The following GRIP1 variants were observed in gnomAD, a reference collection of about 807,000 sequenced individuals.
The protein encoded by GRIP1 is glutamate receptor interacting protein 1.
GRIP1 carries 45 observed loss-of-function variants against 129.9 expected under a neutral mutation model. That is an observed-to-expected ratio of 0.35 (90% CI 0.27 to 0.44). The LOEUF (loss-of-function observed/expected upper bound fraction) is 0.44, where lower values mean the gene tolerates loss of function less well. GRIP1 is among the 20% of genes least tolerant of loss of function. The pLI is 1.00. For synonymous variants in GRIP1, 530 were observed against 520.8 expected (o/e 1.02, Z -0.24); for missense variants, 1,196 against 1,396.8 (o/e 0.86, Z 2.29).
At chr12:66,747,226 A>G (rs1025739053) in intron 1 of GRIP1, among the ~76,000 whole-genome samples, 1 of 152,198 alleles carries the variant, frequency 6.6e-6, no homozygotes. Flanking sequence ...AAAAAAACTG[A>G]GTAAATAAAA....
chr12:66,749,200 G>C (rs2037047968), intron 1 of GRIP1, among the ~76,000 whole-genome samples: 1 of 152,134 alleles, frequency 6.6e-6, no homozygotes, highest in Non-Finnish European at 1.5e-5. Context: ...TACTCACGAA[G>C]AAAAACCGTT....
intron 1 of GRIP1, among the ~76,000 whole-genome samples, chr12:66,673,080 G>T (rs2034156187): frequency 6.6e-6 from 1 of 151,994 alleles, no homozygotes; most frequent in African/African-American, 2.4e-5. Context: ...AGATAGGCAG[G>T]TCTATGGTTT....
At chr12:66,929,710 A>G (rs1008294382) in intron 1 of GRIP1, among the ~76,000 whole-genome samples, 1 of 152,172 alleles carries the variant, frequency 6.6e-6, no homozygotes, top group Non-Finnish European at 1.5e-5. Flanking sequence ...AGCCTCCTCT[A>G]CATCTATGTA....
chr12:66,594,866 G>T (rs957025685), intron 2 of GRIP1, among the ~76,000 whole-genome samples: 12 of 152,168 alleles, frequency 7.9e-5, no homozygotes, highest in Admixed American at 4.6e-4. Context: ...TCTTCTTTTT[G>T]CCAGAACAAA....
chr12:66,977,239 T>C (rs1265908623), intron 1 of GRIP1, among the ~76,000 whole-genome samples: 4 of 151,468 alleles, frequency 2.6e-5, no homozygotes, highest in Admixed American at 2.6e-4. Flanking sequence ...GCATTTCTTT[T>C]TTTTCTTTTT....
intron 1 of GRIP1, among the ~76,000 whole-genome samples, chr12:66,916,864 T>A (rs1176945523): frequency 6.6e-6 from 1 of 152,192 alleles, no homozygotes; most frequent in Non-Finnish European, 1.5e-5. Context: ...CCTGATATTC[T>A]AAAACAAAAT....
intron 1 of GRIP1, among the ~76,000 whole-genome samples, chr12:67,024,601 T>C (rs1468689988): frequency 6.6e-6 from 1 of 152,114 alleles, no homozygotes; most frequent in Non-Finnish European, 1.5e-5. Flanking sequence ...AATCCTACCA[T>C]CTTATTTGTG....
intron 1 of GRIP1, among the ~76,000 whole-genome samples, chr12:66,617,085 T>TTTTGTGTGTGTG (rs1555217385): frequency 2.2e-5 from 3 of 135,450 alleles, no homozygotes; most frequent in South Asian, 2.5e-4. Context: ...AACAGACGTT[T>TTTTGTGTGTGTG]TGTGTGTGTG....
intron 1 of GRIP1, among the ~76,000 whole-genome samples, chr12:66,749,695 C>A (rs2037064296): frequency 6.6e-6 from 1 of 152,120 alleles, no homozygotes; most frequent in Admixed American, 6.6e-5. Flanking sequence ...GCAGAATTCA[C>A]ATATGCATCT....
chr12:66,914,137 A>T (rs936408233), intron 1 of GRIP1, among the ~76,000 whole-genome samples: 6 of 152,150 alleles, frequency 3.9e-5, no homozygotes, highest in African/African-American at 1.4e-4. Flanking sequence ...GTAAATTTTA[A>T]CCACTTTTCT....
intron 1 of GRIP1, among the ~76,000 whole-genome samples, chr12:66,742,428 A>G (rs1432489996): frequency 1.3e-5 from 2 of 152,198 alleles, no homozygotes; most frequent in African/African-American, 4.8e-5. Context: ...GGGCATCCTG[A>G]CAAGACTACC....
At chr12:67,029,666 A>G (rs1828589836) in intron 1 of GRIP1, among the ~76,000 whole-genome samples, 1 of 151,892 alleles carries the variant, frequency 6.6e-6, no homozygotes, top group Non-Finnish European at 1.5e-5. Context: ...AAATCTTGGC[A>G]ACGATATAAC....
At chr12:67,046,902 A>C (rs955872420) in intron 1 of GRIP1, among the ~76,000 whole-genome samples, 1 of 152,232 alleles carries the variant, frequency 6.6e-6, no homozygotes, top group African/African-American at 2.4e-5. Flanking sequence ...AGCCATTTTT[A>C]GAACTTGAAT....
At chr12:66,772,189 T>C (rs2037840908) in intron 1 of GRIP1, among the ~76,000 whole-genome samples, 1 of 152,216 alleles carries the variant, frequency 6.6e-6, no homozygotes, top group South Asian at 2.1e-4. Context: ...TAGATGGCAG[T>C]GCCAGAATGT....
chr12:66,444,840 TG>T, intron 12 of GRIP1, 111 bp from the exon 13 acceptor site: 1 of 1,129,764 alleles, frequency 8.9e-7, no homozygotes, highest in Non-Finnish European at 1.3e-6. Flanking sequence ...AATTTGGTCT[TG>T]CTTATTCAAT....
chr12:66,788,922 C>T lies in GRIP1; in HGVS notation c.-420+15131G>A, dbSNP rs548296785. 6.6e-5 allele frequency among the ~76,000 whole-genome samples: 10 copies of T among 152,060 alleles called. No individual in the cohort carries two copies. The South Asian group carries it at 2.1e-3, about 32-fold the overall frequency. On this transcript the variant is annotated intron_variant, in intron 1 of 4. Transcript: ENST00000538373. Reference sequence around the variant, plus strand: ...AAGAAATGTTTGTTTTTTTAAGCTGCCAAATTTTGGGGTAATTTGTCATGC... The same window carrying T: ...AAGAAATGTTTGTTTTTTTAAGCTGTCAAATTTTGGGGTAATTTGTCATGC...
rs548007859 is a variant in GRIP1 at position 66,347,551 on chromosome 12, C to T, written c.*1468G>A. The T allele has an allele frequency of 3.9e-5, 6 of 152,034 alleles. No homozygotes were observed. The highest frequency in any genetic ancestry group is 7.2e-5 in the African/African-American group (3 of 41,398). The allele number at this position is 152,034 out of a possible 1,614,324, so 9.4% of individuals were successfully genotyped here. A position where few individuals can be genotyped will look rare whatever the true frequency, so the allele number is the denominator to read the frequency against. ...TGAATTCCCCAAAACCATACATAGA[C>T]GATAAATACCATGCTATTAAAGTAT... On this transcript the variant is annotated 3_prime_UTR_variant, in exon 25 of 25. Transcript: ENST00000359742.
chr12:67,040,342 G>T (rs1265162242), intron 1 of GRIP1, among the ~76,000 whole-genome samples: 2 of 152,108 alleles, frequency 1.3e-5, no homozygotes, highest in East Asian at 3.8e-4. Flanking sequence ...CAGACACAAG[G>T]TGCATATGTT....
At position 66,348,936 on chromosome 12, in the gene GRIP1, G is replaced by T; in HGVS notation, c.*83C>A. The T allele has an allele frequency of 1.0e-6, 1 of 964,160 alleles. No individual in the cohort carries two copies. The highest frequency in any genetic ancestry group is 1.7e-6 in the Non-Finnish European group (1 of 586,280). 59.7% of individuals were successfully genotyped at this position (964,160 alleles called of 1,614,324 possible). A position where few individuals can be genotyped will look rare whatever the true frequency, so the allele number is the denominator to read the frequency against. ...TTAATGCCACGTTGATTGATTATCT[G>T]TGCTTCAAAGGTCACAGAAATCTTA... On this transcript the variant is annotated 3_prime_UTR_variant, in exon 25 of 25. Coordinates refer to ENST00000359742, the MANE Select transcript of GRIP1 (RefSeq NM_001366722.1).
Sources: allele counts gnomAD v4.1 joint callset (sites outside exome capture counted in the v4.1 genomes callset), GRCh38; gene constraint gnomAD v4.1.1; transcripts MANE v1.5; gene names NCBI Gene and HGNC (gene_info 2026-07-23, HGNC 2026-07-21).